Variants in FNDC7 observed in about 807,000 individuals in gnomAD.
FNDC7 encodes fibronectin type III domain-containing protein 7.
FNDC7 carries 66 observed loss-of-function variants against 74.2 expected under a neutral mutation model. The ratio of observed to expected loss-of-function variants is 0.89; its 90% confidence interval spans 0.73 to 1.09. The LOEUF is 1.09. FNDC7 is among the 50% of genes least tolerant of loss of function. FNDC7 has a pLI of 0.00. For missense variants in FNDC7, 829 were observed against 893.4 expected (o/e 0.93, Z 0.92); for synonymous variants, 307 against 330.2 (o/e 0.93, Z 0.76).
chr1:108,715,050 G>A (rs1411023701), intron 2 of FNDC7, among the ~76,000 whole-genome samples: 2 of 152,140 alleles, frequency 1.3e-5, no homozygotes, highest in Non-Finnish European at 2.9e-5. Flanking sequence ...GTCAGGCTAA[G>A]CTACTGATGC....
At chr1:108,729,277 T>A (rs989703217) in intron 8 of FNDC7, among the ~76,000 whole-genome samples, 5 of 152,144 alleles carry the variant, frequency 3.3e-5, no homozygotes, top group African/African-American at 1.2e-4. Flanking sequence ...CTGGCCAGCA[T>A]GGTGGCTCAC....
At position 108,740,318 on chromosome 1, in the gene FNDC7, CTTTTTTTT is replaced by C. The variant is rs567191029; in HGVS notation, c.2171-1435_2171-1428del. Among the ~76,000 whole-genome samples the C allele has an allele frequency of 5.8e-5, 4 of 68,894 alleles. No homozygotes were observed. In the East Asian group the frequency reaches 1.1e-3, roughly 19 times the overall value. 45.2% of individuals were successfully genotyped at this position (68,894 alleles called of 152,430 possible). On this transcript the variant is annotated intron_variant, in intron 11 of 12. Coordinates refer to ENST00000370017, the MANE Select transcript of FNDC7 (RefSeq NM_001144937.3). ...TTGGAGTATCCTAAAGCTTTTCAAACTTTTTTTTTTTTTTTTTTTTTTTTTTTGAGATG... is the reference window on the plus strand; with the variant it reads ...TTGGAGTATCCTAAAGCTTTTCAAACTTTTTTTTTTTTTTTTTTTGAGATG...
At chr1:108,740,990 G>A (rs1661631797) in intron 11 of FNDC7, among the ~76,000 whole-genome samples, 1 of 152,192 alleles carries the variant, frequency 6.6e-6, no homozygotes, top group South Asian at 2.1e-4. Context: ...TGGTCCTGGT[G>A]CCAAAAGTAT....
chr1:108,737,773 A>G (rs773796818), intron 11 of FNDC7, among the ~76,000 whole-genome samples: 3 of 152,184 alleles, frequency 2.0e-5, no homozygotes, highest in Non-Finnish European at 4.4e-5. Context: ...GGAAAATGTA[A>G]ATAGTTTTGG....
chr1:108,741,902 A>G, intron 12 of FNDC7, 23 bp from the exon 13 acceptor site: 2 of 1,235,710 alleles, frequency 1.6e-6, no homozygotes, highest in Non-Finnish European at 2.4e-6. Context: ...TTTGTTTAAA[A>G]TGTTTTCCCA....
chr1:108,741,942 G>T lies in FNDC7; in HGVS notation c.*55G>T, dbSNP rs1661658707. 5.8e-6 allele frequency: 5 copies of T among 861,820 alleles called. No individual in the cohort carries two copies. The highest frequency in any genetic ancestry group is 1.7e-5 in the African/African-American group (1 of 58,888). 53.4% of individuals were successfully genotyped at this position (861,820 alleles called of 1,614,324 possible). Reference sequence around the variant, plus strand: ...TCTTGCAGAGTTGTCTCATTTGTTAGTGATTAGAGATGGAAAAGATCTACT... The same window carrying T: ...TCTTGCAGAGTTGTCTCATTTGTTATTGATTAGAGATGGAAAAGATCTACT... On this transcript the variant is annotated 3_prime_UTR_variant, in exon 13 of 13. Transcript: ENST00000370017.
intron 1 of FNDC7, 53 bp downstream of exon 1, chr1:108,713,049 A>C: frequency 6.8e-7 from 1 of 1,472,382 alleles, no homozygotes; most frequent in Middle Eastern, 1.7e-4. Context: ...AAAGAAAGAC[A>C]CATTATTTTT....
At chr1:108,733,212 AT>A (rs1661431603) in intron 9 of FNDC7, 59 bp from the exon 10 acceptor site, 2 of 1,582,426 alleles carry the variant, frequency 1.3e-6, no homozygotes, top group Non-Finnish European at 1.7e-6. Context: ...AATCAAGGCC[AT>A]TTTTGGATGA....
intron 9 of FNDC7, among the ~76,000 whole-genome samples, chr1:108,731,438 A>C (rs993045619): frequency 6.6e-6 from 1 of 152,256 alleles, no homozygotes; most frequent in African/African-American, 2.4e-5. Context: ...ATAGCAGGGG[A>C]AAGTAAAAGC....
At position 108,732,886 on chromosome 1, in the gene FNDC7, G is replaced by A. The variant is rs566561437; in HGVS notation, c.1880-386G>A. Among the ~76,000 whole-genome samples, 7 of 151,178 alleles carry A rather than the reference G, an allele frequency of 4.6e-5. No individual in the cohort carries two copies. The South Asian group carries it at 1.0e-3, about 23-fold the overall frequency. On this transcript the variant is annotated intron_variant, in intron 9 of 12. Coordinates refer to ENST00000370017, the MANE Select transcript of FNDC7 (RefSeq NM_001144937.3). Reference sequence around the variant, plus strand: ...ACTCCTGGCCTTAAGCCATCCTCCTGCCTCATCCTCCCAAGGGGACCACAG... The same window carrying A: ...ACTCCTGGCCTTAAGCCATCCTCCTACCTCATCCTCCCAAGGGGACCACAG...
intron 6 of FNDC7, among the ~76,000 whole-genome samples, chr1:108,727,428 T>G (rs1661243456): frequency 6.6e-6 from 1 of 152,100 alleles, no homozygotes; most frequent in Non-Finnish European, 1.5e-5. Flanking sequence ...GCTGACAGGA[T>G]CTGAGAAGTT....
Position 108,728,760 on chromosome 1 carries a change from T to G in FNDC7, c.1498T>G (p.Cys500Gly). The stretch of plus-strand genomic sequence containing the variant: ...CCAAGGGGAGAAAGGACTGTATCAG[T>G]GCAGCAGCACAGGAGAGTCCTGCAC... ...TAQGEKGLYQ[C>G]SSTGESCTMR... Residue 500 changes from cysteine to glycine, a missense_variant, in exon 8 of 13, where the codon TGC (cysteine) becomes GGC (glycine). Cys to Gly is a radical substitution (Grantham distance 159). Coordinates refer to ENST00000370017, the MANE Select transcript of FNDC7 (RefSeq NM_001144937.3). The G allele has an allele frequency of 6.2e-7, 1 of 1,614,270 alleles. No individual in the cohort carries two copies. Among genetic ancestry groups the G allele is most frequent in the Non-Finnish European group, 8.5e-7 (1 of 1,180,050 alleles).
Position 108,713,535 on chromosome 1 carries a change from A to C in FNDC7, c.82+6A>C. 1 of 1,545,314 alleles carries C rather than the reference A, an allele frequency of 6.5e-7. No individual in the cohort carries two copies. The highest frequency in any genetic ancestry group is 8.7e-7 in the Non-Finnish European group (1 of 1,145,354). ...GGTTGCTTCAGCAAAATCAGGTACAATTTTCTGACCTGCAAGTTTTTCCTT... is the reference window on the plus strand; with the variant it reads ...GGTTGCTTCAGCAAAATCAGGTACACTTTTCTGACCTGCAAGTTTTTCCTT... On this transcript the variant is annotated splice_donor_region_variant and intron_variant, in intron 2 of 12. Transcript: ENST00000370017.
Position 108,713,244 on chromosome 1 carries a change from T to C in FNDC7, c.63+248T>C, listed in dbSNP as rs146874614. Among the ~76,000 whole-genome samples, 378 of 152,290 alleles carry C rather than the reference T, an allele frequency of 2.5e-3. 4 individuals are homozygous for C. The East Asian group carries it at 0.041, about 17-fold the overall frequency. ...AAAAATCTGTCAGCAGCTACTGACT[T>C]AGTTCAATAGGCAGATTCAAAGGGG... On this transcript the variant is annotated intron_variant, in intron 1 of 12. Transcript: ENST00000370017.
At chr1:108,714,604 C>CTT (rs1570721756) in intron 2 of FNDC7, among the ~76,000 whole-genome samples, 4 of 53,656 alleles carry the variant, frequency 7.5e-5, no homozygotes, top group Non-Finnish European at 1.3e-4. Context: ...TACAAAGTGG[C>CTT]ATTTTTTTTT....
chr1:108,713,529 G>T lies in FNDC7; in HGVS notation c.82G>T (p.Ala28Ser). 6.5e-7 allele frequency: 1 copy of T among 1,546,210 alleles called. No homozygotes were observed. Among genetic ancestry groups the T allele is most frequent in the Non-Finnish European group, 8.7e-7 (1 of 1,145,650 alleles). Residue 28 changes from alanine to serine, a missense_variant and splice_region_variant, in exon 2 of 13, where the codon GCT (alanine) becomes TCT (serine). Ala to Ser is a moderately conservative substitution (Grantham distance 99). Transcript: ENST00000370017. Reference sequence around the variant, plus strand: ...TTTTCAGGTTGCTTCAGCAAAATCAGGTACAATTTTCTGACCTGCAAGTTT... The same window carrying T: ...TTTTCAGGTTGCTTCAGCAAAATCATGTACAATTTTCTGACCTGCAAGTTT... ...CLKMVASAKS[A>S]PEIPTIDQAY...
intron 2 of FNDC7, 89 bp downstream of exon 2, chr1:108,713,618 C>G: frequency 8.5e-7 from 1 of 1,181,016 alleles, no homozygotes; most frequent in Non-Finnish European, 1.2e-6. Context: ...AATCTAAAGG[C>G]TATATGAGAA....
Position 108,733,452 on chromosome 1 carries a change from G to A in FNDC7, c.2060G>A (p.Gly687Glu), listed in dbSNP as rs1199434194. 2 of 1,613,928 alleles carry A rather than the reference G, an allele frequency of 1.2e-6. No homozygotes were observed. Among genetic ancestry groups the A allele is most frequent in the Admixed American group, 1.7e-5 (1 of 59,982 alleles). ...SFCDVTEIPC[G>E]DVYTVMVSPV... The stretch of plus-strand genomic sequence containing the variant: ...TGTGATGTCACTGAGATACCCTGTG[G>A]GGATGTATACACTGTGATGGTCTCA... The change falls in exon 10 of 13, where the codon GGG becomes GAG. Residue 687 changes from glycine (G) to glutamate (E), a missense_variant. Physicochemically the swap from Gly to Glu is moderately conservative, Grantham distance 98 (BLOSUM62 -2). Coordinates refer to ENST00000370017, the MANE Select transcript of FNDC7 (RefSeq NM_001144937.3).
At chr1:108,724,985 G>A (rs1042869431) in intron 5 of FNDC7, among the ~76,000 whole-genome samples, 5 of 151,814 alleles carry the variant, frequency 3.3e-5, no homozygotes, top group African/African-American at 1.2e-4. Flanking sequence ...GGAGGTTGAG[G>A]CAAGGGAATC....
Sources: gnomAD v4.1 joint callset for allele counts (sites outside exome capture counted in the v4.1 genomes callset) on GRCh38, gnomAD v4.1.1 for gene constraint, MANE v1.5 for transcripts, NCBI Gene and HGNC (gene_info 2026-07-23, HGNC 2026-07-21) for gene names.